Variants in ADAMTSL1 observed in about 807,000 individuals in gnomAD.
The protein encoded by ADAMTSL1 is ADAMTS-like protein 1.
ADAMTSL1 carries 126 observed loss-of-function variants against 201.8 expected under a neutral mutation model. The ratio of observed to expected loss-of-function variants is 0.62; its 90% CI spans 0.54 to 0.72. ADAMTSL1 has a LOEUF of 0.72. ADAMTSL1 is among the 30% of genes least tolerant of loss of function. The pLI, the probability that ADAMTSL1 is intolerant of heterozygous loss-of-function variation, is 0.00. For missense variants in ADAMTSL1, 2,679 were observed against 2,277.8 expected (o/e 1.18, Z -3.59); for synonymous variants, 1,121 against 903.4 (o/e 1.24, Z -4.32).
chr9:18,071,727 A>G (rs534564641), intron 1 of ADAMTSL1, among the ~76,000 whole-genome samples: 209 of 152,348 alleles, frequency 1.4e-3, no homozygotes, highest in Non-Finnish European at 1.9e-3. Context: ...CCTCGAAAGT[A>G]GGAGATAAGT....
intron 23 of ADAMTSL1, among the ~76,000 whole-genome samples, chr9:18,849,740 A>C (rs1030540549): frequency 1.3e-5 from 2 of 152,224 alleles, no homozygotes; most frequent in African/African-American, 4.8e-5. Flanking sequence ...TGTCACAAGG[A>C]AAATGCTTTT....
At chr9:18,015,060 A>T (rs777313698) in intron 1 of ADAMTSL1, among the ~76,000 whole-genome samples, 3 of 152,070 alleles carry the variant, frequency 2.0e-5, no homozygotes, top group South Asian at 2.1e-4. Context: ...TGCTGCAAAA[A>T]GTATGCTAAA....
intron 23 of ADAMTSL1, among the ~76,000 whole-genome samples, chr9:18,884,625 A>ATTTTCCC: frequency 6.6e-6 from 1 of 152,160 alleles, no homozygotes; most frequent in East Asian, 1.9e-4. Context: ...ATGGATATCC[A>ATTTTCCC]TTTTCCCAGA....
At chr9:18,479,173 T>C (rs16936775) in intron 1 of ADAMTSL1, among the ~76,000 whole-genome samples, 5,510 of 152,266 alleles carry the variant, frequency 0.036, 325 homozygotes, top group African/African-American at 0.12. Flanking sequence ...GATTAAAACC[T>C]ACATTGAATA....
intron 2 of ADAMTSL1, among the ~76,000 whole-genome samples, chr9:18,228,710 C>T (rs1194966803): frequency 1.3e-5 from 2 of 152,084 alleles, no homozygotes; most frequent in Non-Finnish European, 2.9e-5. Context: ...ATGAGCCACA[C>T]TATGTCAGGG....
intron 1 of ADAMTSL1, among the ~76,000 whole-genome samples, chr9:18,020,309 C>T (rs184919394): frequency 2.9e-4 from 44 of 152,160 alleles, no homozygotes; most frequent in Non-Finnish European, 1.0e-4. Flanking sequence ...AAATATAGCA[C>T]TGCAAAAGCG....
chr9:18,756,061 C>T (rs1352231158), intron 16 of ADAMTSL1, among the ~76,000 whole-genome samples: 2 of 106,862 alleles, frequency 1.9e-5, no homozygotes, highest in Non-Finnish European at 3.9e-5. Flanking sequence ...ATGGTGAAAC[C>T]CTGTCTCTAC....
At chr9:18,299,974 T>G (rs1469338017) in intron 2 of ADAMTSL1, among the ~76,000 whole-genome samples, 1 of 152,142 alleles carries the variant, frequency 6.6e-6, no homozygotes, top group African/African-American at 2.4e-5. Context: ...CTTTCAAAAC[T>G]CCAAGTGAAG....
At chr9:18,003,603 GTC>G (rs1390580475) in intron 1 of ADAMTSL1, among the ~76,000 whole-genome samples, 1 of 152,042 alleles carries the variant, frequency 6.6e-6, no homozygotes. Flanking sequence ...GATGATAAAA[GTC>G]TGACTTTGCT....
At chr9:17,990,622 CA>C (rs1344222102) in intron 1 of ADAMTSL1, among the ~76,000 whole-genome samples, 1 of 151,984 alleles carries the variant, frequency 6.6e-6, no homozygotes, top group Non-Finnish European at 1.5e-5. Context: ...TCCTGGTTGT[CA>C]CGTTTAATTA....
At chr9:18,346,625 C>T (rs763800793) in intron 2 of ADAMTSL1, among the ~76,000 whole-genome samples, 28 of 152,164 alleles carry the variant, frequency 1.8e-4, no homozygotes, top group Admixed American at 4.6e-4. Context: ...TCCTGCTTGA[C>T]TACATTGCAC....
At chr9:18,287,712 A>C (rs946107700) in intron 2 of ADAMTSL1, among the ~76,000 whole-genome samples, 39 of 148,274 alleles carry the variant, frequency 2.6e-4, no homozygotes, top group African/African-American at 1.0e-3. Flanking sequence ...ACATATATTT[A>C]CATATATATG....
At chr9:17,977,557 T>A (rs968444396) in intron 1 of ADAMTSL1, among the ~76,000 whole-genome samples, 16 of 152,110 alleles carry the variant, frequency 1.1e-4, no homozygotes, top group Admixed American at 5.9e-4. Flanking sequence ...TCCACTTTTT[T>A]ATAGGTTATT....
intron 2 of ADAMTSL1, among the ~76,000 whole-genome samples, chr9:18,205,895 A>G (rs1048925397): frequency 6.6e-6 from 1 of 151,768 alleles, no homozygotes. Flanking sequence ...CTCTACTAAA[A>G]ATACAAAAAT....
At chr9:18,886,199 TATATATATATATAC>T (rs1284517726) in intron 23 of ADAMTSL1, among the ~76,000 whole-genome samples, 94 of 127,860 alleles carry the variant, frequency 7.4e-4, no homozygotes, top group African/African-American at 2.2e-3. Context: ...TATATATATA[TATATATATATATAC>T]ACACACATAC....
intron 2 of ADAMTSL1, among the ~76,000 whole-genome samples, chr9:18,300,807 C>A (rs1451820956): frequency 6.6e-6 from 1 of 152,054 alleles, no homozygotes; most frequent in Non-Finnish European, 1.5e-5. Context: ...CTACAGTACC[C>A]AGCCGAAATT....
intron 2 of ADAMTSL1, among the ~76,000 whole-genome samples, chr9:18,429,313 C>G (rs1456025246): frequency 1.3e-5 from 2 of 152,052 alleles, no homozygotes; most frequent in Non-Finnish European, 2.9e-5. Context: ...TTTGCACAAC[C>G]TTACTGTGAT....
At chr9:18,908,173 A>T in intron 28 of ADAMTSL1, 1 of 483,980 alleles carries the variant, frequency 2.1e-6, no homozygotes, top group Non-Finnish European at 3.8e-6. Flanking sequence ...AAGTAGAGGG[A>T]GCTGCAGAAA....
chr9:18,285,603 T>A (rs952566904), intron 2 of ADAMTSL1, among the ~76,000 whole-genome samples: 3 of 152,136 alleles, frequency 2.0e-5, no homozygotes, highest in Admixed American at 6.5e-5. Context: ...TTTCTTTTTT[T>A]AAAATTATAT....
Sources: gnomAD v4.1 joint callset for allele counts (sites outside exome capture counted in the v4.1 genomes callset) on GRCh38, gnomAD v4.1.1 for gene constraint, MANE v1.5 for transcripts, NCBI Gene and HGNC (gene_info 2026-07-23, HGNC 2026-07-21) for gene names.